MYH10: variants seen among roughly 807,000 people sequenced by gnomAD.
The protein encoded by MYH10 is myosin heavy chain 10.
Under a neutral mutation model 257.8 loss-of-function variants are expected in MYH10, and 55 were observed. The ratio of observed to expected loss-of-function variants is 0.21; its 90% confidence interval spans 0.17 to 0.27. The LOEUF (loss-of-function observed/expected upper bound fraction) is 0.27, where lower values mean the gene tolerates loss of function less well. Among genes scored for constraint, MYH10 ranks in the 10% least tolerant of loss-of-function variants. MYH10 has a pLI of 1.00. For missense variants in MYH10, 1,631 were observed against 2,500.6 expected (o/e 0.65, Z 7.42); for synonymous variants, 854 against 921.7 (o/e 0.93, Z 1.33).
chr17:8,604,799 A>C, intron 3 of MYH10, 27 bp downstream of exon 3: 2 of 1,392,750 alleles, frequency 1.4e-6, no homozygotes, highest in South Asian at 1.9e-5. Flanking sequence ...AATTCTGAGC[A>C]TTTAGTATTC....
chr17:8,499,630 G>A (rs139425594), intron 29 of MYH10, among the ~76,000 whole-genome samples, 154 bp from the exon 30 acceptor site: 1 of 152,286 alleles, frequency 6.6e-6, no homozygotes, highest in African/African-American at 2.4e-5. Flanking sequence ...GCTGTTCTCT[G>A]AGTGTGAGGA....
Position 8,549,185 on chromosome 17 carries a change from T to C in MYH10, c.920-398A>G, listed in dbSNP as rs182258495. 1.9e-3 allele frequency among the ~76,000 whole-genome samples: 284 copies of C among 152,342 alleles called. 4 individuals carry two copies. Among genetic ancestry groups the C allele is most frequent in the African/African-American group, 6.7e-3 (278 of 41,582 alleles). On this transcript the variant is annotated intron_variant, in intron 9 of 42. Transcript: ENST00000360416. ...AAACTCATATTCTATATTCCTATCT[T>C]AGCAAGTAGTTTGCAGCAAACACTA...
In MYH10 at chr17:8,604,931, T is replaced by C. The variant is rs200086256; in HGVS notation, c.397A>G (p.Ile133Val). 9 of 1,585,964 alleles carry C rather than the reference T, an allele frequency of 5.7e-6. No homozygotes were observed. Among genetic ancestry groups the C allele is most frequent in the South Asian group, 4.5e-5 (4 of 89,264 alleles). Residue 133 changes from isoleucine to valine, a missense_variant, in exon 3 of 43, where the codon ATT becomes GTT. Ile to Val is a conservative substitution (Grantham distance 29). Coordinates refer to ENST00000360416, the MANE Select transcript of MYH10 (RefSeq NM_001256012.3). ...ATTTCAATAATATTCTCAGAGTAAATTGGAAGATTCTTGTAAGGGTTTATA... is the reference window on the plus strand; with the variant it reads ...ATTTCAATAATATTCTCAGAGTAAACTGGAAGATTCTTGTAAGGGTTTATA... ...VVINPYKNLP[I>V]YSENIIEMYR... is the part of the protein sequence containing the mutation.
At chr17:8,483,281 C>T (rs1367977042) in intron 37 of MYH10, among the ~76,000 whole-genome samples, 1 of 152,054 alleles carries the variant, frequency 6.6e-6, no homozygotes, top group Non-Finnish European at 1.5e-5. Context: ...AGCTGATGAG[C>T]TAAGTGTCCA....
intron 33 of MYH10, 119 bp downstream of exon 33, chr17:8,492,657 T>C (rs1915962726): frequency 1.6e-6 from 2 of 1,229,556 alleles, no homozygotes; most frequent in Non-Finnish European, 2.2e-6. Flanking sequence ...TTGCTTTCCC[T>C]TTTTCCAATT....
chr17:8,630,437 C>A (rs1267166342), intron 1 of MYH10, among the ~76,000 whole-genome samples: 1 of 152,070 alleles, frequency 6.6e-6, no homozygotes, highest in African/African-American at 2.4e-5. Flanking sequence ...GTCCCAGTGC[C>A]CCCAGCCCAG....
At chr17:8,543,620 T>A (rs2082360967) in intron 13 of MYH10, among the ~76,000 whole-genome samples, 1 of 151,860 alleles carries the variant, frequency 6.6e-6, no homozygotes, top group South Asian at 2.1e-4. Context: ...ATTACAGGCA[T>A]CTGCCACCAA....
intron 28 of MYH10, among the ~76,000 whole-genome samples, chr17:8,502,030 C>G (rs34681962): frequency 0.51 from 77,211 of 152,080 alleles, 20,461 homozygotes; most frequent in Middle Eastern, 0.62. Flanking sequence ...CTGCTAAGAC[C>G]TATATTAGCA....
intron 19 of MYH10, among the ~76,000 whole-genome samples, chr17:8,519,881 ACT>A (rs34707462): frequency 0.41 from 61,508 of 151,802 alleles, 12,426 homozygotes; most frequent in East Asian, 0.5. Flanking sequence ...GTTAAAAATA[ACT>A]CTCAACATAT....
At chr17:8,613,624 A>C (rs2085128749) in intron 2 of MYH10, among the ~76,000 whole-genome samples, 2 of 152,234 alleles carry the variant, frequency 1.3e-5, no homozygotes, top group South Asian at 4.1e-4. Context: ...AGAATAATAA[A>C]AATTATAACC....
At chr17:8,593,268 G>T (rs1292962664) in intron 3 of MYH10, among the ~76,000 whole-genome samples, 1 of 151,746 alleles carries the variant, frequency 6.6e-6, no homozygotes, top group African/African-American at 2.4e-5. Flanking sequence ...TCCCTCTAAG[G>T]TCAGGGACAA....
Position 8,545,728 on chromosome 17 carries a change from T to A in MYH10, c.1279-128A>T. ...AGATGGCATTCACTGCTTAATCATG[T>A]CTCAATTTTACACATCAATAGAAGG... On this transcript the variant is annotated intron_variant, in intron 12 of 42. Transcript: ENST00000360416. The surrounding 1 kb of genome is among the most constrained non-coding windows in gnomAD (Gnocchi z 4.7). 1 of 870,920 alleles carries A rather than the reference T, an allele frequency of 1.1e-6. No individual in the cohort carries two copies. Among genetic ancestry groups the A allele is most frequent in the Non-Finnish European group, 1.7e-6 (1 of 580,908 alleles). The allele number at this position is 870,920 out of a possible 1,614,324, so 53.9% of individuals were successfully genotyped here.
intron 19 of MYH10, among the ~76,000 whole-genome samples, chr17:8,520,202 T>C (rs2081607117): frequency 6.6e-6 from 1 of 152,250 alleles, no homozygotes; most frequent in South Asian, 2.1e-4. Context: ...ATTACTCATC[T>C]ATTTAAAAAA....
At chr17:8,515,465 T>C (rs2081433587) in intron 21 of MYH10, among the ~76,000 whole-genome samples, 1 of 151,744 alleles carries the variant, frequency 6.6e-6, no homozygotes, top group South Asian at 2.1e-4. Context: ...GCTTCATAAC[T>C]GATTTTATTC....
chr17:8,614,379 T>C (rs985615762), intron 2 of MYH10, among the ~76,000 whole-genome samples: 1 of 138,666 alleles, frequency 7.2e-6, no homozygotes, highest in African/African-American at 2.8e-5. Context: ...GGTGCAGTGG[T>C]GCAATCTCGG....
intron 30 of MYH10, among the ~76,000 whole-genome samples, chr17:8,495,701 AG>A (rs1916476396): frequency 6.6e-6 from 1 of 151,792 alleles, no homozygotes; most frequent in African/African-American, 2.4e-5. Flanking sequence ...CTTCTATAAA[AG>A]GGGTACAAGA....
intron 6 of MYH10, among the ~76,000 whole-genome samples, chr17:8,575,032 A>G (rs767963522): frequency 1.3e-5 from 2 of 152,248 alleles, no homozygotes; most frequent in Non-Finnish European, 2.9e-5. Flanking sequence ...ATTAAAATCA[A>G]CTTGGGAAAA....
Position 8,519,262 on chromosome 17 carries a change from T to C in MYH10, c.2274-312A>G, listed in dbSNP as rs181714692. On this transcript the variant is annotated intron_variant, in intron 19 of 42. Transcript: ENST00000360416. ...TTCTTCATGTCCCATAAAATGTTCA[T>C]ATCCTTAAGACGCAAAAGAGAATCT... 6.6e-5 allele frequency among the ~76,000 whole-genome samples: 10 copies of C among 152,332 alleles called. No individual in the cohort carries two copies. In the East Asian group the frequency reaches 1.9e-3, roughly 29 times the overall value.
At chr17:8,483,648 A>G (rs1391675806) in intron 37 of MYH10, among the ~76,000 whole-genome samples, 3 of 152,244 alleles carry the variant, frequency 2.0e-5, no homozygotes, top group Non-Finnish European at 4.4e-5. Context: ...TACAGTTCCT[A>G]TATGCAACAC....
Sources: allele counts gnomAD v4.1 joint callset (sites outside exome capture counted in the v4.1 genomes callset), GRCh38; gene constraint gnomAD v4.1.1; non-coding constraint Gnocchi (gnomAD v3.1); transcripts MANE v1.5; gene names NCBI Gene and HGNC (gene_info 2026-07-23, HGNC 2026-07-21).